The following PHC3 variants were observed in gnomAD, a reference collection of about 807,000 sequenced individuals.
PHC3 encodes the protein polyhomeotic homolog 3, also known as polyhomeotic-like protein 3.
A neutral mutation model predicts 107.4 loss-of-function variants in PHC3; 13 were observed. That is an observed-to-expected ratio of 0.12 (90% CI 0.08 to 0.19). PHC3 has a LOEUF of 0.19. PHC3 is among the 10% of genes least tolerant of loss of function. The pLI, the probability that PHC3 is intolerant of heterozygous loss-of-function variation, is 1.00. For synonymous variants in PHC3, 456 were observed against 427.4 expected (o/e 1.07, Z -0.83); for missense variants, 992 against 1,210.9 (o/e 0.82, Z 2.68).
chr3:170,134,376 G>A (rs542926706), intron 7 of PHC3, among the ~76,000 whole-genome samples: 2 of 152,126 alleles, frequency 1.3e-5, no homozygotes, highest in Non-Finnish European at 2.9e-5. Context: ...TTTTAGTAGA[G>A]ACGGGGTTTC....
intron 14 of PHC3, among the ~76,000 whole-genome samples, chr3:170,098,225 G>T (rs1714901844): frequency 6.6e-6 from 1 of 152,010 alleles, no homozygotes. Flanking sequence ...TACCCATTAA[G>T]GGTAAAGAAA....
At chr3:170,142,700 T>G (rs1418745665) in intron 6 of PHC3, among the ~76,000 whole-genome samples, 2 of 152,214 alleles carry the variant, frequency 1.3e-5, no homozygotes, top group East Asian at 3.8e-4. Context: ...ATTTGTGTCT[T>G]TTTTCTTACA....
chr3:170,178,541 T>A (rs1340287435), intron 2 of PHC3, among the ~76,000 whole-genome samples: 2 of 152,208 alleles, frequency 1.3e-5, no homozygotes, highest in African/African-American at 4.8e-5. Flanking sequence ...GCCAGCTCCT[T>A]CATATTAGAC....
At chr3:170,128,142 T>C (rs899240363) in intron 8 of PHC3, among the ~76,000 whole-genome samples, 18 of 150,356 alleles carry the variant, frequency 1.2e-4, no homozygotes, top group African/African-American at 4.1e-4. Context: ...CCTAGAATAA[T>C]TTTTTTTTTA....
rs538222424 is a variant in PHC3 at position 170,094,541 on chromosome 3, T to C, written c.*2689A>G. 2 of 152,284 alleles carry C rather than the reference T, an allele frequency of 1.3e-5. No homozygotes were observed. Among genetic ancestry groups the C allele is most frequent in the South Asian group, 2.1e-4 (1 of 4,828 alleles). The allele number at this position is 152,284 out of a possible 1,614,324, so 9.4% of individuals were successfully genotyped here. On this transcript the variant is annotated 3_prime_UTR_variant, in exon 15 of 15. Coordinates refer to ENST00000495893, the MANE Select transcript of PHC3 (RefSeq NM_024947.4). ...GAAAACAATTTACTCTCCCCACCTA[T>C]ATCATACTGAAACTCTGCTTTAAAG...
intron 14 of PHC3, 173 bp downstream of exon 14, chr3:170,102,306 C>T (rs773714623): frequency 4.5e-5 from 44 of 985,368 alleles, no homozygotes; most frequent in Non-Finnish European, 4.6e-5. Flanking sequence ...CCCAGTAGTG[C>T]TGAGGGAATA....
intron 5 of PHC3, chr3:170,148,701 T>G (rs1169983651): frequency 6.5e-6 from 1 of 154,896 alleles, no homozygotes; most frequent in Non-Finnish European, 1.4e-5. Flanking sequence ...AAATCTAAGT[T>G]GACAAAAACA....
chr3:170,117,524 C>A, intron 9 of PHC3, 48 bp from the exon 10 acceptor site: 1 of 1,555,952 alleles, frequency 6.4e-7, no homozygotes, highest in South Asian at 1.2e-5. Context: ...TAGCATTTTG[C>A]CCAAGCAAAT....
chr3:170,098,098 T>C (rs1312253701), intron 14 of PHC3, among the ~76,000 whole-genome samples: 1 of 152,166 alleles, frequency 6.6e-6, no homozygotes, highest in South Asian at 2.1e-4. Context: ...ATATAACCAA[T>C]ATTTTAGCTC....
intron 8 of PHC3, among the ~76,000 whole-genome samples, chr3:170,123,397 A>AT (rs1330422246): frequency 1.6e-5 from 2 of 124,086 alleles, no homozygotes; most frequent in Admixed American, 1.6e-4. Context: ...TTGACACCTT[A>AT]TTTTTTTACT....
chr3:170,144,452 A>C (rs377671521), intron 6 of PHC3, among the ~76,000 whole-genome samples: 27 of 152,144 alleles, frequency 1.8e-4, no homozygotes, highest in African/African-American at 6.5e-4. Context: ...ATAAACATTC[A>C]TTTACATGTC....
chr3:170,178,510 A>G (rs1047490013), intron 2 of PHC3, among the ~76,000 whole-genome samples: 2 of 152,342 alleles, frequency 1.3e-5, no homozygotes, highest in East Asian at 1.9e-4. Context: ...GAATGAGGCA[A>G]TAAGACGGCC....
At chr3:170,180,316 G>A (rs74764929) in intron 1 of PHC3, among the ~76,000 whole-genome samples, 1 of 152,084 alleles carries the variant, frequency 6.6e-6, no homozygotes, top group Non-Finnish European at 1.5e-5. Flanking sequence ...AGGCCTGGTG[G>A]CACAGGACTG....
intron 11 of PHC3, among the ~76,000 whole-genome samples, chr3:170,111,258 AGAAGAAGGAAGGAAGGAAGGAAG>A (rs1187585846): frequency 7.2e-6 from 1 of 139,598 alleles, no homozygotes; most frequent in African/African-American, 2.7e-5. Context: ...CTTTAAAACA[AGAAGAAGGAAGGAAGGAAGGAAG>A]GAAGGAAGGA....
intron 4 of PHC3, among the ~76,000 whole-genome samples, chr3:170,153,185 T>C (rs1726301750): frequency 1.3e-5 from 2 of 152,240 alleles, no homozygotes; most frequent in Admixed American, 1.3e-4. Context: ...CAAATGGCAC[T>C]GGCATTTTCT....
At position 170,129,311 on chromosome 3, in the gene PHC3, A is replaced by C; in HGVS notation, c.1161T>G (p.Ile387Met). 1 of 1,614,010 alleles carries C rather than the reference A, an allele frequency of 6.2e-7. No individual in the cohort carries two copies. The highest frequency in any genetic ancestry group is 8.5e-7 in the Non-Finnish European group (1 of 1,179,890). ...CTGTTAAAGGAGAGGGATGACTCTG[A>C]ATCGGTGAACAATGCTGTGACTGGG... ...SNAQSQHCSP[I>M]QSHPSPLTVS... The change falls in exon 8 of 15, where the codon ATT becomes ATG. Residue 387 changes from isoleucine to methionine, a missense_variant. Transcript: ENST00000495893.
At chr3:170,173,118 T>G (rs562870839) in intron 2 of PHC3, among the ~76,000 whole-genome samples, 5 of 150,792 alleles carry the variant, frequency 3.3e-5, no homozygotes, top group African/African-American at 4.9e-5. Flanking sequence ...CTTGAACCTG[T>G]GAGGTGAAGG....
In PHC3 at chr3:170,131,468, C is replaced by T. The variant is rs930949411; in HGVS notation, c.920-1916G>A. On this transcript the variant is annotated intron_variant, in intron 7 of 14. Coordinates refer to ENST00000495893, the MANE Select transcript of PHC3 (RefSeq NM_024947.4). ...TTGCAAGCATAACAGCAAGGGCCCA[C>T]TTCAATTCAATTTTGTAAGTAAAGC... is the stretch of plus-strand genomic sequence containing the variant. Among the ~76,000 whole-genome samples, 5 of 152,100 alleles carry T rather than the reference C, an allele frequency of 3.3e-5. No homozygotes were observed. In the East Asian group the frequency reaches 9.6e-4, roughly 29 times the overall value.
intron 1 of PHC3, among the ~76,000 whole-genome samples, chr3:170,181,049 CA>C (rs1176522526): frequency 6.6e-6 from 1 of 152,246 alleles, no homozygotes; most frequent in African/African-American, 2.4e-5. Context: ...GTCACACCGA[CA>C]CACAAGAATG....
Sources: allele counts gnomAD v4.1 joint callset (sites outside exome capture counted in the v4.1 genomes callset), GRCh38; gene constraint gnomAD v4.1.1; transcripts MANE v1.5; gene names NCBI Gene and HGNC (gene_info 2026-07-23, HGNC 2026-07-21).